Variants in TUSC3 observed in about 807,000 individuals in gnomAD.
The protein encoded by TUSC3 is tumor suppressor candidate 3.
TUSC3 carries 45 observed loss-of-function variants against 44.8 expected under a neutral mutation model. The ratio of observed to expected loss-of-function variants is 1.00; its 90% CI spans 0.79 to 1.29. The LOEUF is 1.29. Among genes scored for constraint, TUSC3 ranks in the 50% most tolerant of loss-of-function variants. The pLI, the probability that TUSC3 is intolerant of heterozygous loss-of-function variation, is 0.00. For synonymous variants in TUSC3, 212 were observed against 152.9 expected, an observed-to-expected ratio of 1.39 and a Z score of -2.85; for missense variants, 519 against 437.9, an observed-to-expected ratio of 1.19 and a Z score of -1.65.
At chr8:15,797,524 G>A in the TUSC3 span, among the ~76,000 whole-genome samples, 1 of 152,168 alleles carries the variant, frequency 6.6e-6, no homozygotes, top group Non-Finnish European at 1.5e-5. Flanking sequence ...GTGTGATAAT[G>A]CCACAGTCAG....
intron 2 of TUSC3, among the ~76,000 whole-genome samples, chr8:15,529,125 G>GT (rs1408342010): frequency 6.6e-6 from 1 of 152,234 alleles, no homozygotes; most frequent in Non-Finnish European, 1.5e-5. Flanking sequence ...ATCATATGCT[G>GT]TTTTTTTCTT....
chr8:15,590,915 C>G lies in TUSC3; in HGVS notation c.139-32165C>G, dbSNP rs76931220. Among the ~76,000 whole-genome samples, 5 of 152,254 alleles carry G rather than the reference C, an allele frequency of 3.3e-5. No homozygotes were observed. The East Asian group carries it at 9.7e-4, about 29-fold the overall frequency. ...TGTCAAACTCCTGGACTCAAGCAGT[C>G]TGTGTGCCTTGGCCTCCCAGAGTGC... On this transcript the variant is annotated intron_variant, in intron 1 of 10. Coordinates refer to ENST00000503731, the MANE Select transcript of TUSC3 (RefSeq NM_006765.4).
rs959831992 is a variant in TUSC3, at chr8:15,557,862, G to C, written c.138+17294G>C. On this transcript the variant is annotated intron_variant, in intron 1 of 10. Transcript: ENST00000503731. ...TTTTTGTACATTGATTTTGTATCCT[G>C]AGACTTTGCTGAAGTTGCTTATCAG... 1.8e-4 allele frequency among the ~76,000 whole-genome samples: 21 copies of C among 113,782 alleles called. 3 individuals are homozygous for C. Among genetic ancestry groups the C allele is most frequent in the African/African-American group, 6.3e-4 (20 of 31,810 alleles). The allele number at this position is 113,782 out of a possible 152,430, so 74.6% of individuals were successfully genotyped here.
intron 1 of TUSC3, among the ~76,000 whole-genome samples, chr8:15,468,426 T>C (rs1800442881): frequency 6.6e-6 from 1 of 152,188 alleles, no homozygotes. Context: ...AACATAGCCA[T>C]GAGCCTCTCC....
intron 8 of TUSC3, among the ~76,000 whole-genome samples, chr8:15,745,437 C>T (rs189158255): frequency 2.0e-5 from 3 of 152,036 alleles, no homozygotes; most frequent in South Asian, 2.1e-4. Context: ...AGTGCATAAG[C>T]ATTCCCTTTT....
At chr8:15,516,113 A>T (rs1801213338) in intron 2 of TUSC3, among the ~76,000 whole-genome samples, 2 of 152,140 alleles carry the variant, frequency 1.3e-5, no homozygotes, top group African/African-American at 4.8e-5. Context: ...TTTTATAGTT[A>T]CTCATTGTTA....
intron 6 of TUSC3, among the ~76,000 whole-genome samples, chr8:15,693,335 A>G (rs998233214): frequency 2.0e-5 from 3 of 149,022 alleles, no homozygotes; most frequent in African/African-American, 7.4e-5. Context: ...CAGAACCTCT[A>G]TTGAGGTGGT....
intron 9 of TUSC3, 59 bp downstream of exon 9, chr8:15,748,524 G>C: frequency 1.5e-6 from 2 of 1,373,780 alleles, no homozygotes; most frequent in South Asian, 1.2e-5. Flanking sequence ...CAGAGTTTCA[G>C]TGGTTAATAT....
chr8:15,457,634 T>C (rs1413041251), intron 1 of TUSC3, among the ~76,000 whole-genome samples: 1 of 150,394 alleles, frequency 6.6e-6, no homozygotes, highest in Non-Finnish European at 1.5e-5. Flanking sequence ...AACCTGGTAA[T>C]AATTCAAAAG....
chr8:15,700,493 A>G (rs974893939), intron 6 of TUSC3, among the ~76,000 whole-genome samples: 1 of 152,184 alleles, frequency 6.6e-6, no homozygotes, highest in African/African-American at 2.4e-5. Context: ...ATTGTAGGAA[A>G]AAAATTAAAT....
chr8:15,786,644 T>C, the TUSC3 span, among the ~76,000 whole-genome samples: 1 of 152,004 alleles, frequency 6.6e-6, no homozygotes, highest in Non-Finnish European at 1.5e-5. Flanking sequence ...AGAAAACTCA[T>C]TAAAGATAGA....
chr8:15,469,022 T>C (rs1415515648), intron 1 of TUSC3, among the ~76,000 whole-genome samples: 1 of 151,440 alleles, frequency 6.6e-6, no homozygotes, highest in Non-Finnish European at 1.5e-5. Context: ...CCACACAAAT[T>C]CTCTCAGAAC....
chr8:15,786,189 A>G, the TUSC3 span, among the ~76,000 whole-genome samples: 1 of 152,214 alleles, frequency 6.6e-6, no homozygotes, highest in African/African-American at 2.4e-5. Flanking sequence ...TCACACCTCT[A>G]AAGAGACCAC....
intron 5 of TUSC3, among the ~76,000 whole-genome samples, chr8:15,667,863 C>T (rs1293001613): frequency 1.3e-5 from 2 of 151,692 alleles, no homozygotes; most frequent in Admixed American, 6.6e-5. Flanking sequence ...GCTGTAGTTA[C>T]AGTGGGCGTG....
chr8:15,433,825 A>G (rs978819), intron 1 of TUSC3, among the ~76,000 whole-genome samples: 8 of 152,054 alleles, frequency 5.3e-5, no homozygotes, highest in African/African-American at 1.7e-4. Context: ...ACATCAACAC[A>G]TACTCTGTAT....
In TUSC3 at chr8:15,581,718, C is replaced by A. The variant is rs565982182; in HGVS notation, c.138+41150C>A. Reference sequence around the variant, plus strand: ...GTGCTGGGAGAACCACTGCTCTCTTCAAAGCTGTCAGACAGGGACCCTTAA... The same window carrying A: ...GTGCTGGGAGAACCACTGCTCTCTTAAAAGCTGTCAGACAGGGACCCTTAA... On this transcript the variant is annotated intron_variant, in intron 1 of 10. Coordinates refer to ENST00000503731, the MANE Select transcript of TUSC3 (RefSeq NM_006765.4). Among the ~76,000 whole-genome samples the A allele has an allele frequency of 1.1e-3, 150 of 135,710 alleles. 1 individual carries two copies. The highest frequency in any genetic ancestry group is 1.9e-3 in the Non-Finnish European group (113 of 60,146). The allele number at this position is 135,710 out of a possible 152,430, so 89.0% of individuals were successfully genotyped here. A position where few individuals can be genotyped will look rare whatever the true frequency, so the allele number is the denominator to read the frequency against.
chr8:15,523,360 C>G (rs142883843), intron 2 of TUSC3, among the ~76,000 whole-genome samples: 180 of 152,026 alleles, frequency 1.2e-3, no homozygotes, highest in African/African-American at 4.2e-3. Context: ...AGGTATATAC[C>G]ATTTCCCACT....
chr8:15,480,536 GTCTGATTTGATTCTT>G (rs1217266473), intron 1 of TUSC3, among the ~76,000 whole-genome samples: 1 of 152,188 alleles, frequency 6.6e-6, no homozygotes, highest in Non-Finnish European at 1.5e-5. Context: ...CTTGCCTCAT[GTCTGATTTGATTCTT>G]TCTTAATTTG....
the TUSC3 span, among the ~76,000 whole-genome samples, chr8:15,820,957 G>A: frequency 6.6e-6 from 1 of 152,116 alleles, no homozygotes; most frequent in African/African-American, 2.4e-5. Flanking sequence ...AGTTTTAGGT[G>A]TGCCCAGCTA....
Sources: gnomAD v4.1 joint callset for allele counts (sites outside exome capture counted in the v4.1 genomes callset) on GRCh38, gnomAD v4.1.1 for gene constraint, MANE v1.5 for transcripts, NCBI Gene and HGNC (gene_info 2026-07-23, HGNC 2026-07-21) for gene names.